Variants in FRMPD4 observed in about 807,000 individuals in gnomAD.
FRMPD4 encodes the protein FERM and PDZ domain-containing protein 4.
Under a neutral mutation model 94.1 loss-of-function variants are expected in FRMPD4, and 22 were observed. The observed-to-expected ratio is 0.23, with a 90% CI of 0.17 to 0.33. The LOEUF (loss-of-function observed/expected upper bound fraction) is 0.33. FRMPD4 is among the 10% of genes least tolerant of loss of function. The pLI is 1.00. For synonymous variants in FRMPD4, 631 were observed against 548.6 expected, an observed-to-expected ratio of 1.15 and a Z score of -2.10; for missense variants, 1,111 against 1,339.9, an observed-to-expected ratio of 0.83 and a Z score of 2.67.
intron 3 of FRMPD4, among the ~76,000 whole-genome samples, chrX:11,954,507 T>C (rs184932081): frequency 1.6e-4 from 18 of 111,761 alleles, no homozygotes; most frequent in Admixed American, 8.5e-4. Context: ...ATCATCATGG[T>C]TGAAGTGTTT....
At chrX:11,862,635 A>C (rs2053693796) in intron 1 of FRMPD4, among the ~76,000 whole-genome samples, 1 of 110,576 alleles carries the variant, frequency 9.0e-6, no homozygotes, top group Non-Finnish European at 1.9e-5. Context: ...CATGATGGGG[A>C]TACTAACATG....
intron 1 of FRMPD4, among the ~76,000 whole-genome samples, chrX:12,312,174 T>A (rs1365568128): frequency 2.7e-5 from 3 of 110,116 alleles, no homozygotes; most frequent in African/African-American, 9.9e-5. Flanking sequence ...TTGGGTTTTT[T>A]AATTAGTTTT....
intron 3 of FRMPD4, among the ~76,000 whole-genome samples, chrX:11,914,780 T>C (rs1053886795): frequency 2.3e-4 from 26 of 112,482 alleles, no homozygotes; most frequent in African/African-American, 8.4e-4. Context: ...AAATTATTTC[T>C]GTGGATATTA....
chrX:12,550,957 A>G (rs1007818848), intron 2 of FRMPD4, among the ~76,000 whole-genome samples: 1 of 110,163 alleles, frequency 9.1e-6, no homozygotes, highest in Admixed American at 9.8e-5. Flanking sequence ...ATACATATGC[A>G]TTTATGTGAA....
chrX:11,960,741 C>T (rs181745204), intron 3 of FRMPD4, among the ~76,000 whole-genome samples: 11 of 111,665 alleles, frequency 9.9e-5, no homozygotes, highest in African/African-American at 3.6e-4. Flanking sequence ...TGAATTCAAC[C>T]GTATGTATAT....
rs371774501 is a variant in FRMPD4 at position 12,317,109 on chromosome X, T to C, written c.41+178097T>C. ...GGATTTCAAGTAAATGGCAAAGACA[T>C]GTATGCAGTCTTGTCAGCATTAAGA... On this transcript the variant is annotated intron_variant, in intron 1 of 16. Coordinates refer to ENST00000675598, the MANE Select transcript of FRMPD4 (RefSeq NM_001368397.1). 2.7e-5 allele frequency among the ~76,000 whole-genome samples: 3 copies of C among 111,994 alleles called. No homozygotes were observed. In the East Asian group the frequency reaches 8.4e-4, roughly 31 times the overall value.
intron 3 of FRMPD4, among the ~76,000 whole-genome samples, chrX:12,610,336 G>A (rs1354791745): frequency 1.8e-5 from 2 of 112,520 alleles, no homozygotes; most frequent in Admixed American, 9.4e-5. Flanking sequence ...ATTGCTGTTG[G>A]GCTGGATCAG....
intron 1 of FRMPD4, among the ~76,000 whole-genome samples, chrX:12,158,643 T>G (rs960940610): frequency 2.7e-5 from 3 of 112,132 alleles, no homozygotes; most frequent in Admixed American, 1.9e-4. Flanking sequence ...TTTTTTCACT[T>G]AAGTCATGTT....
intron 3 of FRMPD4, among the ~76,000 whole-genome samples, chrX:11,933,402 T>G (rs1343559136): frequency 1.8e-5 from 2 of 112,505 alleles, no homozygotes; most frequent in Admixed American, 1.9e-4. Context: ...GATTATAAGC[T>G]ATGAGCTATC....
intron 1 of FRMPD4, among the ~76,000 whole-genome samples, chrX:12,452,255 A>T (rs1223762914): frequency 8.9e-6 from 1 of 112,434 alleles, no homozygotes; most frequent in Non-Finnish European, 1.9e-5. Flanking sequence ...TAATGATTTT[A>T]AATTTTTCAA....
intron 3 of FRMPD4, among the ~76,000 whole-genome samples, chrX:12,131,925 A>G (rs1197876518): frequency 8.9e-6 from 1 of 112,649 alleles, no homozygotes; most frequent in Non-Finnish European, 1.9e-5. Flanking sequence ...TACAATAATG[A>G]TTCATCTTTT....
intron 3 of FRMPD4, among the ~76,000 whole-genome samples, chrX:11,969,303 C>A (rs2054327797): frequency 8.9e-6 from 1 of 111,965 alleles, no homozygotes; most frequent in Admixed American, 9.5e-5. Context: ...AGCCCCTACC[C>A]CGTTTACTGA....
intron 5 of FRMPD4, among the ~76,000 whole-genome samples, chrX:12,676,165 TAGCTCAC>T (rs2059896597): frequency 8.9e-6 from 1 of 112,374 alleles, no homozygotes; most frequent in Admixed American, 9.4e-5. Flanking sequence ...ACTTGAGATC[TAGCTCAC>T]AGCAGTATAA....
At chrX:12,130,116 GA>G (rs1256686695) in intron 3 of FRMPD4, among the ~76,000 whole-genome samples, 16 of 109,430 alleles carry the variant, frequency 1.5e-4, no homozygotes, top group African/African-American at 4.6e-4. Context: ...GAGAGAGAGA[GA>G]GAGAGAGAGA....
chrX:12,657,100 C>A (rs865842565), intron 4 of FRMPD4, among the ~76,000 whole-genome samples: 263 of 101,272 alleles, frequency 2.6e-3, no homozygotes, highest in African/African-American at 8.7e-3. Flanking sequence ...AAAAAAAAAA[C>A]AAAAACCTCA....
intron 4 of FRMPD4, among the ~76,000 whole-genome samples, chrX:12,620,601 A>T (rs1040294793): frequency 3.6e-5 from 4 of 112,235 alleles, no homozygotes; most frequent in Non-Finnish European, 7.5e-5. Context: ...TCCACTCAGG[A>T]ATGAGATAGG....
At chrX:11,995,889 C>A (rs749345381) in intron 3 of FRMPD4, among the ~76,000 whole-genome samples, 3 of 112,077 alleles carry the variant, frequency 2.7e-5, no homozygotes, top group African/African-American at 9.7e-5. Context: ...AGTGCTCCAA[C>A]CTTTATGTGC....
At chrX:12,164,876 G>A (rs1228591898) in intron 1 of FRMPD4, among the ~76,000 whole-genome samples, 13 of 111,786 alleles carry the variant, frequency 1.2e-4, no homozygotes, top group African/African-American at 2.6e-4. Context: ...CATATCCTTC[G>A]CCCACTTTTT....
At chrX:12,527,694 A>G (rs1156285685) in intron 2 of FRMPD4, among the ~76,000 whole-genome samples, 1 of 111,341 alleles carries the variant, frequency 9.0e-6, no homozygotes. Flanking sequence ...CTGGGTCAAT[A>G]TACCTGAAAA....
Sources: allele counts gnomAD v4.1 joint callset (sites outside exome capture counted in the v4.1 genomes callset), GRCh38; gene constraint gnomAD v4.1.1; transcripts MANE v1.5; gene names NCBI Gene and HGNC (gene_info 2026-07-23, HGNC 2026-07-21).